ELAVL4: variants seen among roughly 807,000 people sequenced by gnomAD.
ELAVL4 encodes the protein ELAV-like protein 4.
ELAVL4 carries 1 observed loss-of-function variant against 35.6 expected under a neutral mutation model. The observed-to-expected ratio is 0.03, with a 90% CI of 0.01 to 0.13. The LOEUF (loss-of-function observed/expected upper bound fraction) is 0.13. Among genes scored for constraint, ELAVL4 ranks in the 10% least tolerant of loss-of-function variants. The probability of loss-of-function intolerance (pLI) is 1.00; values close to 1 mark genes in which losing one functional copy is unlikely to be tolerated. For synonymous variants in ELAVL4, 156 were observed against 171.0 expected (o/e 0.91, Z 0.69); for missense variants, 267 against 464.9 (o/e 0.57, Z 3.91).
At chr1:50,130,442 G>A (rs571906016) in intron 1 of ELAVL4, among the ~76,000 whole-genome samples, 2 of 152,236 alleles carry the variant, frequency 1.3e-5, no homozygotes, top group South Asian at 2.1e-4. Context: ...TCAAAGTTGT[G>A]TGAGAATTAA....
chr1:50,121,553 G>A (rs576331175), intron 1 of ELAVL4, among the ~76,000 whole-genome samples: 5 of 152,010 alleles, frequency 3.3e-5, no homozygotes, highest in Admixed American at 3.3e-4. Flanking sequence ...TCCATATGGT[G>A]TTCAATATGT....
chr1:50,132,162 A>G (rs973236346), intron 1 of ELAVL4, among the ~76,000 whole-genome samples: 2 of 152,122 alleles, frequency 1.3e-5, no homozygotes, highest in Non-Finnish European at 2.9e-5. Flanking sequence ...TACGTATTAG[A>G]AGGATGTTCA....
At chr1:50,192,948 G>A (rs1384084130) in intron 3 of ELAVL4, among the ~76,000 whole-genome samples, 1 of 152,176 alleles carries the variant, frequency 6.6e-6, no homozygotes, top group African/African-American at 2.4e-5. Context: ...TTGGGGGGAA[G>A]AAAAGCAGTT....
intron 1 of ELAVL4, among the ~76,000 whole-genome samples, chr1:50,075,721 G>A (rs925174532): frequency 2.6e-5 from 4 of 152,146 alleles, no homozygotes; most frequent in African/African-American, 4.8e-5. Context: ...GGAGCCCCTC[G>A]ACTTAACAGT....
chr1:50,084,926 G>A (rs1665172441), intron 1 of ELAVL4, among the ~76,000 whole-genome samples: 1 of 151,770 alleles, frequency 6.6e-6, no homozygotes. Context: ...ACCTTTATAG[G>A]TCTGGGCCTA....
intron 2 of ELAVL4, among the ~76,000 whole-genome samples, chr1:50,154,108 G>A (rs1385660215): frequency 6.6e-6 from 1 of 152,194 alleles, no homozygotes; most frequent in Non-Finnish European, 1.5e-5. Context: ...TACTCTGTCG[G>A]GTAAATGGGG....
At chr1:50,096,610 G>A (rs1572168212) in intron 1 of ELAVL4, among the ~76,000 whole-genome samples, 2 of 151,902 alleles carry the variant, frequency 1.3e-5, no homozygotes, top group East Asian at 3.9e-4. Context: ...GGGAGTAACA[G>A]AACATAGGGC....
intron 3 of ELAVL4, among the ~76,000 whole-genome samples, chr1:50,190,324 A>G (rs1253257322): frequency 6.6e-6 from 1 of 152,056 alleles, no homozygotes; most frequent in South Asian, 2.1e-4. Context: ...GAAATCTTTC[A>G]GCCTAACCAA....
At chr1:50,085,694 A>C (rs1266416795) in intron 1 of ELAVL4, among the ~76,000 whole-genome samples, 1 of 152,204 alleles carries the variant, frequency 6.6e-6, no homozygotes, top group African/African-American at 2.4e-5. Flanking sequence ...TATCTCCTTG[A>C]CAGATGAGGT....
chr1:50,173,269 CATT>C (rs1679367074), intron 2 of ELAVL4, among the ~76,000 whole-genome samples: 1 of 152,094 alleles, frequency 6.6e-6, no homozygotes, highest in Non-Finnish European at 1.5e-5. Context: ...TAGGAGGAGA[CATT>C]GTGTATTTGT....
At chr1:50,089,085 A>C (rs1243116039) in intron 1 of ELAVL4, among the ~76,000 whole-genome samples, 1 of 152,198 alleles carries the variant, frequency 6.6e-6, no homozygotes, top group African/African-American at 2.4e-5. Flanking sequence ...GAGCTCCTCA[A>C]ATATTATCCG....
Position 50,197,413 on chromosome 1 carries a change from C to T in ELAVL4, c.735-16C>T, listed in dbSNP as rs1644124760. ...TCTGTGAGGCATTAACCCAGAGACC[C>T]TCCTTCTCTTTGCAGGCTGGACAAT... On this transcript the variant is annotated splice_polypyrimidine_tract_variant and intron_variant, in intron 5 of 6. Coordinates refer to ENST00000371824, the MANE Select transcript of ELAVL4 (RefSeq NM_001144774.3). The T allele has an allele frequency of 6.3e-7, 1 of 1,590,512 alleles. No individual in the cohort carries two copies. The highest frequency in any genetic ancestry group is 1.4e-5 in the African/African-American group (1 of 72,958).
chr1:50,185,473 G>C (rs535448388), intron 3 of ELAVL4, among the ~76,000 whole-genome samples: 5 of 152,222 alleles, frequency 3.3e-5, no homozygotes, highest in Non-Finnish European at 7.3e-5. Context: ...TTATTTCACT[G>C]TCTGGATTAG....
chr1:50,053,426 G>A (rs1663496640), intron 1 of ELAVL4, among the ~76,000 whole-genome samples: 1 of 152,134 alleles, frequency 6.6e-6, no homozygotes, highest in Non-Finnish European at 1.5e-5. Flanking sequence ...ACAGTTCACT[G>A]TAGCCTTGAC....
intron 2 of ELAVL4, among the ~76,000 whole-genome samples, chr1:50,164,902 A>G (rs1677468638): frequency 6.6e-6 from 1 of 152,242 alleles, no homozygotes; most frequent in South Asian, 2.1e-4. Context: ...TGGATATCCA[A>G]TAATGTCATG....
At chr1:50,119,076 GAAAGAA>G (rs1553170360) in intron 1 of ELAVL4, among the ~76,000 whole-genome samples, 1 of 136,694 alleles carries the variant, frequency 7.3e-6, no homozygotes, top group Admixed American at 7.3e-5. Flanking sequence ...AAGAAAGAAA[GAAAGAA>G]AGAAAGAAAG....
upstream of ELAVL4, chr1:50,106,424 C>A (rs12138061): frequency 0.22 from 346,032 of 1,562,396 alleles, 40,158 homozygotes; most frequent in East Asian, 0.34. Flanking sequence ...CTGGCAGCCC[C>A]ACAGTGCTGG....
chr1:50,189,494 T>C (rs1682341828), intron 3 of ELAVL4, among the ~76,000 whole-genome samples: 1 of 152,200 alleles, frequency 6.6e-6, no homozygotes, highest in African/African-American at 2.4e-5. Context: ...TCTGTGGAAA[T>C]GTGTTAGAGG....
At chr1:50,118,206 T>A (rs996146772) in intron 1 of ELAVL4, among the ~76,000 whole-genome samples, 3 of 151,778 alleles carry the variant, frequency 2.0e-5, no homozygotes, top group Non-Finnish European at 4.4e-5. Flanking sequence ...ACTTCAGATC[T>A]ATTTTTTTTC....
Sources: allele counts gnomAD v4.1 joint callset (sites outside exome capture counted in the v4.1 genomes callset), GRCh38; gene constraint gnomAD v4.1.1; transcripts MANE v1.5; gene names NCBI Gene and HGNC (gene_info 2026-07-23, HGNC 2026-07-21).